Variants in STAC observed in about 807,000 individuals in gnomAD.
STAC encodes the protein SH3 and cysteine rich domain.
A neutral mutation model predicts 48.8 loss-of-function variants in STAC; 43 were observed. That is an observed-to-expected ratio of 0.88 (90% CI 0.69 to 1.14). STAC has a LOEUF of 1.14. Among genes scored for constraint, STAC ranks in the 50% most tolerant of loss-of-function variants. The pLI is 0.00. For synonymous variants in STAC, 193 were observed against 179.5 expected, an observed-to-expected ratio of 1.07 and a Z score of -0.60; for missense variants, 497 against 504.0, an observed-to-expected ratio of 0.99 and a Z score of 0.13.
intron 1 of STAC, among the ~76,000 whole-genome samples, chr3:36,389,083 T>C (rs1389300944): frequency 6.6e-6 from 1 of 152,222 alleles, no homozygotes; most frequent in East Asian, 1.9e-4. Flanking sequence ...AAACATAGTA[T>C]ATCTGTAGTT....
chr3:36,471,904 T>G (rs535182258), intron 2 of STAC, among the ~76,000 whole-genome samples: 16 of 152,320 alleles, frequency 1.1e-4, no homozygotes, highest in African/African-American at 3.8e-4. Flanking sequence ...TTCTGGAGTC[T>G]TGAGGATGGT....
intron 2 of STAC, among the ~76,000 whole-genome samples, chr3:36,461,873 C>T (rs756811519): frequency 2.1e-4 from 32 of 152,140 alleles, no homozygotes; most frequent in Non-Finnish European, 3.8e-4. Flanking sequence ...TCTTGTGCAA[C>T]TCTGTAGGCC....
At chr3:36,432,308 G>T (rs577993218) in intron 1 of STAC, among the ~76,000 whole-genome samples, 1 of 152,200 alleles carries the variant, frequency 6.6e-6, no homozygotes, top group Non-Finnish European at 1.5e-5. Context: ...CAGCAGAGCT[G>T]GGAAGGGCAG....
rs190559501 is a variant in STAC, at chr3:36,516,140, C to A, written c.920+10306C>A. ...CTGGGATTACAGGCACCTGCCACCA[C>A]GCCCCACTAATTTTTGCATTTTTAG... is the stretch of plus-strand genomic sequence containing the variant. On this transcript the variant is annotated intron_variant, in intron 8 of 10. Coordinates refer to ENST00000273183, the MANE Select transcript of STAC (RefSeq NM_003149.3). 7.7e-3 allele frequency among the ~76,000 whole-genome samples: 1,163 copies of A among 151,876 alleles called. 17 individuals carry two copies. Among genetic ancestry groups the A allele is most frequent in the African/African-American group, 0.026 (1,096 of 41,398 alleles).
chr3:36,470,310 G>C (rs1326650487), intron 2 of STAC, among the ~76,000 whole-genome samples: 1 of 152,240 alleles, frequency 6.6e-6, no homozygotes, highest in African/African-American at 2.4e-5. Context: ...CTTCCTGAAA[G>C]CCAAACAGTA....
chr3:36,514,202 TTC>T (rs1698611965), intron 8 of STAC, among the ~76,000 whole-genome samples: 3 of 127,774 alleles, frequency 2.3e-5, no homozygotes, highest in Non-Finnish European at 4.9e-5. Context: ...TACACTGGCC[TTC>T]TTTTTTTTTT....
intron 2 of STAC, among the ~76,000 whole-genome samples, chr3:36,465,987 ACACT>A (rs1445454991): frequency 3.3e-5 from 5 of 152,110 alleles, no homozygotes; most frequent in African/African-American, 9.6e-5. Flanking sequence ...AATCAAGCTG[ACACT>A]CACATTCAGT....
Position 36,514,026 on chromosome 3 carries a change from G to A in STAC, c.920+8192G>A, listed in dbSNP as rs189015594. Among the ~76,000 whole-genome samples, 243 of 152,068 alleles carry A rather than the reference G, an allele frequency of 1.6e-3. 1 individual carries two copies. The highest frequency in any genetic ancestry group is 5.7e-3 in the African/African-American group (238 of 41,464). On this transcript the variant is annotated intron_variant, in intron 8 of 10. Transcript: ENST00000273183. Reference sequence around the variant, plus strand: ...CTAACCATCTGAGCTTCTGCTTCCTGACTTGTAAAAGGAGATAATCACTTT... The same window carrying A: ...CTAACCATCTGAGCTTCTGCTTCCTAACTTGTAAAAGGAGATAATCACTTT...
rs1244398851 is a variant in STAC, at chr3:36,380,523, C to T, written c.-121C>T. 14 of 725,466 alleles carry T rather than the reference C, an allele frequency of 1.9e-5. No homozygotes were observed. Among genetic ancestry groups the T allele is most frequent in the Non-Finnish European group, 3.0e-5 (13 of 435,472 alleles). The allele number at this position is 725,466 out of a possible 1,614,324, so 44.9% of individuals were successfully genotyped here. On this transcript the variant is annotated 5_prime_UTR_variant, in exon 1 of 11. Transcript: ENST00000273183. ...GCTGGAGGAGGGCACGTCGGCGCCTCGGCGAGGATGGGAGTCCCCAGGACC... is the reference window on the plus strand; with the variant it reads ...GCTGGAGGAGGGCACGTCGGCGCCTTGGCGAGGATGGGAGTCCCCAGGACC...
intron 1 of STAC, among the ~76,000 whole-genome samples, chr3:36,408,189 T>C (rs537375196): frequency 6.6e-6 from 1 of 152,328 alleles, no homozygotes; most frequent in South Asian, 2.1e-4. Context: ...TCCCATACGA[T>C]GTAAGCTAAT....
At chr3:36,534,514 T>G (rs1228375139) in intron 10 of STAC, among the ~76,000 whole-genome samples, 2 of 151,962 alleles carry the variant, frequency 1.3e-5, no homozygotes, top group African/African-American at 4.8e-5. Context: ...TAAAGATAAA[T>G]GCAATGCACA....
At chr3:36,499,413 A>G (rs1575242429) in intron 6 of STAC, among the ~76,000 whole-genome samples, 1 of 152,168 alleles carries the variant, frequency 6.6e-6, no homozygotes, top group East Asian at 1.9e-4. Context: ...TTGTTAAAAC[A>G]TATCTCATAA....
chr3:36,451,909 T>C (rs1262748530), intron 2 of STAC, among the ~76,000 whole-genome samples: 1 of 152,220 alleles, frequency 6.6e-6, no homozygotes, highest in African/African-American at 2.4e-5. Flanking sequence ...TTGTGATGGA[T>C]CCCACTTGTT....
chr3:36,545,199 G>A (rs752261549), intron 10 of STAC, among the ~76,000 whole-genome samples: 10 of 152,186 alleles, frequency 6.6e-5, no homozygotes, highest in Admixed American at 2.0e-4. Flanking sequence ...TCACACTACA[G>A]GCCAGCCAAT....
intron 10 of STAC, among the ~76,000 whole-genome samples, chr3:36,540,681 G>C (rs184524434): frequency 6.6e-6 from 1 of 152,100 alleles, no homozygotes; most frequent in African/African-American, 2.4e-5. Flanking sequence ...GCCACAGGGA[G>C]CTGAACGCAG....
At chr3:36,455,075 G>T (rs1326912186) in intron 2 of STAC, among the ~76,000 whole-genome samples, 6 of 152,200 alleles carry the variant, frequency 3.9e-5, no homozygotes, top group African/African-American at 4.8e-5. Flanking sequence ...CCAGAAAGGG[G>T]AGAGTGTCTG....
intron 1 of STAC, among the ~76,000 whole-genome samples, chr3:36,421,431 A>G (rs1394362590): frequency 1.3e-5 from 2 of 152,142 alleles, no homozygotes; most frequent in East Asian, 1.9e-4. Flanking sequence ...AAGAATTACA[A>G]TAGTTGTAGT....
At chr3:36,480,141 C>A (rs1352260163) in intron 2 of STAC, among the ~76,000 whole-genome samples, 1 of 152,158 alleles carries the variant, frequency 6.6e-6, no homozygotes, top group Non-Finnish European at 1.5e-5. Context: ...AAATAACTTC[C>A]TCTTTGAAGC....
chr3:36,519,630 C>A (rs1698754312), intron 8 of STAC, among the ~76,000 whole-genome samples: 1 of 152,166 alleles, frequency 6.6e-6, no homozygotes, highest in South Asian at 2.1e-4. Context: ...GTTGCTAAGA[C>A]CAGGAAGTTT....
Sources: allele counts gnomAD v4.1 joint callset (sites outside exome capture counted in the v4.1 genomes callset), GRCh38; gene constraint gnomAD v4.1.1; transcripts MANE v1.5; gene names NCBI Gene and HGNC (gene_info 2026-07-23, HGNC 2026-07-21).